The following ATXN1 variants were observed in gnomAD, a reference collection of about 807,000 sequenced individuals.
ATXN1 encodes the protein ataxin 1.
ATXN1 carries 8 observed loss-of-function variants against 56.4 expected under a neutral mutation model. The observed-to-expected ratio is 0.14, with a 90% confidence interval of 0.08 to 0.26. The LOEUF is 0.26. Among genes scored for constraint, ATXN1 ranks in the 10% least tolerant of loss-of-function variants. The pLI, the probability that ATXN1 is intolerant of heterozygous loss-of-function variation, is 1.00. For missense variants in ATXN1, 987 were observed against 1,106.5 expected (o/e 0.89, Z 1.53); for synonymous variants, 514 against 494.6 (o/e 1.04, Z -0.52).
At chr6:16,307,005 A>G in intron 7 of ATXN1, 146 bp from the exon 8 acceptor site, 1 of 944,436 alleles carries the variant, frequency 1.1e-6, no homozygotes, top group Non-Finnish European at 1.5e-6. Context: ...TCAGTTTGCA[A>G]ACCTCCCTCT....
chr6:16,596,759 T>TCAAAGGGGAGCCCTTTC (rs1471842380), intron 3 of ATXN1, among the ~76,000 whole-genome samples: 1 of 152,156 alleles, frequency 6.6e-6, no homozygotes, highest in Non-Finnish European at 1.5e-5. Context: ...GCAGCATTTG[T>TCAAAGGGGAGCCCTTTC]CAAAGGGGAG....
chr6:16,389,910 ACGTTCACCTTTTGT>A (rs1329741645), intron 6 of ATXN1, among the ~76,000 whole-genome samples: 4 of 152,202 alleles, frequency 2.6e-5, no homozygotes, highest in African/African-American at 9.7e-5. Flanking sequence ...AGTCCTGTGT[ACGTTCACCTTTTGT>A]AAATCCTCTC....
intron 4 of ATXN1, among the ~76,000 whole-genome samples, chr6:16,527,937 C>T (rs1262089789): frequency 6.6e-6 from 1 of 152,124 alleles, no homozygotes; most frequent in Non-Finnish European, 1.5e-5. Flanking sequence ...TCGTGGTCAC[C>T]GCTTTTACAT....
At chr6:16,637,353 G>C (rs1383388477) in intron 3 of ATXN1, among the ~76,000 whole-genome samples, 1 of 149,224 alleles carries the variant, frequency 6.7e-6, no homozygotes, top group Non-Finnish European at 1.5e-5. Flanking sequence ...TCATGGAGTG[G>C]GGGGAGGGGG....
chr6:16,416,171 A>G (rs532957005), intron 6 of ATXN1, among the ~76,000 whole-genome samples: 3 of 151,818 alleles, frequency 2.0e-5, no homozygotes, highest in African/African-American at 4.8e-5. Context: ...GTCATTATCT[A>G]GTTTCTGGAA....
intron 6 of ATXN1, among the ~76,000 whole-genome samples, chr6:16,459,112 A>C (rs980409624): frequency 6.6e-6 from 1 of 152,192 alleles, no homozygotes; most frequent in East Asian, 1.9e-4. Flanking sequence ...TGCTCTTTTC[A>C]CATGCTTTTC....
At chr6:16,399,864 C>G (rs976420525) in intron 6 of ATXN1, among the ~76,000 whole-genome samples, 6 of 152,202 alleles carry the variant, frequency 3.9e-5, no homozygotes, top group African/African-American at 9.7e-5. Context: ...TAAAGGGAAG[C>G]AGAAAAGATC....
At chr6:16,732,952 T>C (rs1760024552) in intron 2 of ATXN1, among the ~76,000 whole-genome samples, 1 of 152,208 alleles carries the variant, frequency 6.6e-6, no homozygotes, top group Admixed American at 6.5e-5. Flanking sequence ...CTTGAAAAAC[T>C]TCCATGGATG....
chr6:16,596,927 C>T (rs963570235), intron 3 of ATXN1, among the ~76,000 whole-genome samples: 1 of 152,334 alleles, frequency 6.6e-6, no homozygotes, highest in Middle Eastern at 3.4e-3. Flanking sequence ...AATTTCATCT[C>T]AGCGACTCTC....
chr6:16,427,667 G>A (rs773247817), intron 6 of ATXN1, among the ~76,000 whole-genome samples: 4 of 152,160 alleles, frequency 2.6e-5, no homozygotes, highest in East Asian at 1.9e-4. Context: ...TGCCTCCAGC[G>A]TTTCAGGTGT....
chr6:16,610,314 G>A (rs1763081395), intron 3 of ATXN1, among the ~76,000 whole-genome samples: 1 of 151,556 alleles, frequency 6.6e-6, no homozygotes, highest in Non-Finnish European at 1.5e-5. Context: ...AGAAAAAAAT[G>A]AAAACTGATA....
At chr6:16,691,031 T>C (rs1050834488) in intron 2 of ATXN1, among the ~76,000 whole-genome samples, 2 of 152,248 alleles carry the variant, frequency 1.3e-5, no homozygotes, top group African/African-American at 4.8e-5. Flanking sequence ...CTTATTGTAG[T>C]GTTTGCAATC....
chr6:16,490,940 C>T (rs868293519), intron 5 of ATXN1, among the ~76,000 whole-genome samples: 3 of 152,182 alleles, frequency 2.0e-5, no homozygotes, highest in Admixed American at 6.5e-5. Flanking sequence ...ATGCTACTAA[C>T]AGCTGGTTTC....
At chr6:16,689,848 C>A (rs558377779) in intron 2 of ATXN1, among the ~76,000 whole-genome samples, 11 of 152,206 alleles carry the variant, frequency 7.2e-5, no homozygotes, top group Admixed American at 7.2e-4. Flanking sequence ...TAATCCTGTA[C>A]AATGGGTCTC....
At chr6:16,728,639 A>T (rs1050543997) in intron 2 of ATXN1, among the ~76,000 whole-genome samples, 6 of 152,342 alleles carry the variant, frequency 3.9e-5, no homozygotes, top group Admixed American at 2.0e-4. Context: ...AAGTGTGAAT[A>T]CTAGGGGTAT....
intron 3 of ATXN1, among the ~76,000 whole-genome samples, chr6:16,626,135 C>T (rs1323640590): frequency 6.6e-6 from 1 of 152,156 alleles, no homozygotes; most frequent in Non-Finnish European, 1.5e-5. Flanking sequence ...ACGCCTGACA[C>T]ATAGTAAGCA....
chr6:16,335,391 C>T (rs1052801244), intron 6 of ATXN1, among the ~76,000 whole-genome samples: 7 of 152,182 alleles, frequency 4.6e-5, no homozygotes, highest in African/African-American at 1.7e-4. Flanking sequence ...CTGAGAGCCT[C>T]GCCCCAACGC....
At chr6:16,355,346 C>G (rs952934574) in intron 6 of ATXN1, among the ~76,000 whole-genome samples, 2 of 152,188 alleles carry the variant, frequency 1.3e-5, no homozygotes, top group Admixed American at 1.3e-4. Context: ...TTGCTGCCAC[C>G]TTCCATTTTC....
At chr6:16,596,705 C>T (rs1041131794) in intron 3 of ATXN1, among the ~76,000 whole-genome samples, 1 of 152,226 alleles carries the variant, frequency 6.6e-6, no homozygotes, top group Non-Finnish European at 1.5e-5. Context: ...TCAGAATCCA[C>T]TTCCCACCCA....
Sources: allele counts gnomAD v4.1 joint callset (sites outside exome capture counted in the v4.1 genomes callset), GRCh38; gene constraint gnomAD v4.1.1; transcripts MANE v1.5; gene names NCBI Gene and HGNC (gene_info 2026-07-23, HGNC 2026-07-21).